Variants in RELN observed in about 807,000 individuals in gnomAD.
RELN encodes reelin.
In RELN, 108 loss-of-function variants were observed where a neutral mutation model predicts 427.6. The ratio of observed to expected loss-of-function variants is 0.25; its 90% CI spans 0.22 to 0.30. The LOEUF (loss-of-function observed/expected upper bound fraction) is 0.30. Among genes scored for constraint, RELN ranks in the 10% least tolerant of loss-of-function variants. The pLI is 1.00. For synonymous variants in RELN, 1,524 were observed against 1,513.4 expected, an observed-to-expected ratio of 1.01 and a Z score of -0.16; for missense variants, 3,715 against 4,302.8, an observed-to-expected ratio of 0.86 and a Z score of 3.82.
intron 38 of RELN, among the ~76,000 whole-genome samples, chr7:103,556,664 T>TTTCC (rs1416615771): frequency 1.3e-5 from 2 of 152,262 alleles, no homozygotes; most frequent in African/African-American, 4.8e-5. Context: ...GGTTTCCACT[T>TTTCC]TTGCATCTTC....
At chr7:103,484,671 A>G (rs1288647135) in intron 61 of RELN, 1 of 152,262 alleles carries the variant, frequency 6.6e-6, no homozygotes, top group Non-Finnish European at 1.5e-5. Flanking sequence ...TCAAAGATGT[A>G]TCCTCTTTTC....
At chr7:103,944,428 G>C (rs1416891976) in intron 1 of RELN, among the ~76,000 whole-genome samples, 1 of 152,128 alleles carries the variant, frequency 6.6e-6, no homozygotes, top group South Asian at 2.1e-4. Flanking sequence ...AAGACTTGCA[G>C]GCCCAGAGAC....
chr7:103,817,937 C>CAAAAAAAAAA (rs71154371), intron 3 of RELN, among the ~76,000 whole-genome samples: 2 of 36,016 alleles, frequency 5.6e-5, no homozygotes, highest in African/African-American at 1.5e-4. Flanking sequence ...GACTCCATCT[C>CAAAAAAAAAA]AAAAAAAAAA....
intron 58 of RELN, 58 bp downstream of exon 58, chr7:103,491,895 C>CA: frequency 2.0e-6 from 2 of 1,022,600 alleles, no homozygotes; most frequent in Non-Finnish European, 3.0e-6. Flanking sequence ...CACACACACA[C>CA]AACGATTTGG....
At chr7:103,927,585 C>A (rs1221870796) in intron 1 of RELN, among the ~76,000 whole-genome samples, 1 of 152,098 alleles carries the variant, frequency 6.6e-6, no homozygotes, top group Non-Finnish European at 1.5e-5. Context: ...GAAATAAATG[C>A]ACAACTAATT....
chr7:103,684,893 A>G (rs1176791229), intron 10 of RELN, among the ~76,000 whole-genome samples: 1 of 152,190 alleles, frequency 6.6e-6, no homozygotes, highest in East Asian at 1.9e-4. Context: ...ATTTCAATCT[A>G]TTTTAAACTA....
intron 3 of RELN, among the ~76,000 whole-genome samples, chr7:103,830,469 G>A (rs1049520170): frequency 6.6e-6 from 1 of 151,632 alleles, no homozygotes; most frequent in Non-Finnish European, 1.5e-5. Context: ...TACTTTTTGA[G>A]GTTAATCAGA....
intron 12 of RELN, among the ~76,000 whole-genome samples, chr7:103,654,459 T>C (rs1832985126): frequency 1.3e-5 from 2 of 152,138 alleles, no homozygotes; most frequent in African/African-American, 4.8e-5. Context: ...CAAATAATTG[T>C]CTACTTTGAG....
chr7:103,574,420 T>C, intron 29 of RELN, 121 bp from the exon 30 acceptor site: 1 of 819,810 alleles, frequency 1.2e-6, no homozygotes, highest in African/African-American at 1.7e-5. Flanking sequence ...AGAGGCCACA[T>C]GAAAATTTGT....
At chr7:103,729,425 T>C (rs1471608374) in intron 6 of RELN, among the ~76,000 whole-genome samples, 2 of 152,186 alleles carry the variant, frequency 1.3e-5, no homozygotes, top group Non-Finnish European at 2.9e-5. Flanking sequence ...GTACTTCCTA[T>C]ATGTTTACCA....
chr7:103,498,296 G>A, intron 53 of RELN, 44 bp from the exon 54 acceptor site: 1 of 1,533,340 alleles, frequency 6.5e-7, no homozygotes, highest in Non-Finnish European at 9.0e-7. Flanking sequence ...AACAATTTCA[G>A]ATAACTATGG....
chr7:103,862,409 T>TTCATCTATCTATCTATCTATCTA (rs57691471), intron 2 of RELN, among the ~76,000 whole-genome samples: 4 of 144,734 alleles, frequency 2.8e-5, no homozygotes, highest in Non-Finnish European at 6.0e-5. Context: ...TATGCTTTTG[T>TTCATCTATCTATCTATCTATCTA]TCTATCTATC....
chr7:103,617,558 GTA>G lies in RELN; in HGVS notation c.2703-5757_2703-5756del, dbSNP rs886385279. 6.2e-4 allele frequency among the ~76,000 whole-genome samples: 93 copies of G among 151,174 alleles called. 1 individual carries two copies. Among genetic ancestry groups the G allele is most frequent in the Middle Eastern group, 3.5e-3 (1 of 286 alleles). On this transcript the variant is annotated intron_variant, in intron 20 of 64. Transcript: ENST00000428762. Reference sequence around the variant, plus strand: ...TATGTGTATATATGTGTAGATATATGTATATATATGTGTGTATATATATTCCT... The same window carrying G: ...TATGTGTATATATGTGTAGATATATGTATATATGTGTGTATATATATTCCT...
intron 3 of RELN, among the ~76,000 whole-genome samples, chr7:103,791,357 G>A (rs1047411889): frequency 6.6e-6 from 1 of 152,120 alleles, no homozygotes; most frequent in African/African-American, 2.4e-5. Context: ...TTACCACAAA[G>A]TTACCATAAT....
intron 1 of RELN, among the ~76,000 whole-genome samples, chr7:103,983,679 C>A (rs544713651): frequency 3.5e-4 from 53 of 152,244 alleles, no homozygotes; most frequent in African/African-American, 1.2e-3. Context: ...AATGAAAATA[C>A]TTAGATAAGT....
intron 16 of RELN, among the ~76,000 whole-genome samples, chr7:103,649,959 C>T (rs1177981921): frequency 6.6e-6 from 1 of 151,938 alleles, no homozygotes; most frequent in South Asian, 2.1e-4. Flanking sequence ...TAATTTTATA[C>T]AACATTCAAA....
chr7:103,848,782 T>TCAAAATCTACA (rs1452694773), intron 2 of RELN, among the ~76,000 whole-genome samples: 3 of 152,196 alleles, frequency 2.0e-5, no homozygotes, highest in African/African-American at 7.2e-5. Flanking sequence ...GAGGGCAAGT[T>TCAAAATCTACA]CAAAATCTAC....
At chr7:103,793,740 C>T (rs899512939) in intron 3 of RELN, among the ~76,000 whole-genome samples, 3 of 152,110 alleles carry the variant, frequency 2.0e-5, no homozygotes, top group Admixed American at 1.3e-4. Context: ...TGGTTGTCAT[C>T]GGTAGTACAA....
chr7:103,766,127 C>T (rs904069597), intron 4 of RELN, among the ~76,000 whole-genome samples: 11 of 152,072 alleles, frequency 7.2e-5, no homozygotes, highest in Non-Finnish European at 1.5e-4. Flanking sequence ...TTTGTAAGAC[C>T]GTGAAGCAAG....
Sources: allele counts gnomAD v4.1 joint callset (sites outside exome capture counted in the v4.1 genomes callset), GRCh38; gene constraint gnomAD v4.1.1; transcripts MANE v1.5; gene names NCBI Gene and HGNC (gene_info 2026-07-23, HGNC 2026-07-21).